The following UPF3A variants were observed in gnomAD, a reference collection of about 807,000 sequenced individuals.
UPF3A encodes regulator of nonsense transcripts 3A.
In UPF3A, 42 loss-of-function variants were observed where a neutral mutation model predicts 53.5. That is an observed-to-expected ratio of 0.78 (90% confidence interval 0.61 to 1.01). The LOEUF (loss-of-function observed/expected upper bound fraction) is 1.01, where lower values mean the gene tolerates loss of function less well. UPF3A is among the 50% of genes least tolerant of loss of function. The pLI, the probability that UPF3A is intolerant of heterozygous loss-of-function variation, is 0.00. For missense variants in UPF3A, 575 were observed against 598.0 expected (o/e 0.96, Z 0.40); for synonymous variants, 237 against 225.3 (o/e 1.05, Z -0.47).
chr13:114,305,664 A>G lies in UPF3A; in HGVS notation c.*747A>G, dbSNP rs2086951386. On this transcript the variant is annotated 3_prime_UTR_variant, in exon 10 of 10. Transcript: ENST00000375299. ...CATACAGAGCCTGTTTTTGAGTTTT[A>G]GATACTTTATTTGTAAATAACTTAA... 6.6e-6 allele frequency: 1 copy of G among 152,308 alleles called. No individual in the cohort carries two copies. The highest frequency in any genetic ancestry group is 2.1e-4 in the South Asian group (1 of 4,830). The allele number at this position is 152,308 out of a possible 1,614,324, so 9.4% of individuals were successfully genotyped here. A position where few individuals can be genotyped will look rare whatever the true frequency, so the allele number is the denominator to read the frequency against.
chr13:114,296,309 GGAGGCGAAGGTAC>G (rs2086009997), intron 7 of UPF3A, among the ~76,000 whole-genome samples: 1 of 152,166 alleles, frequency 6.6e-6, no homozygotes, highest in African/African-American at 2.4e-5. Flanking sequence ...CTTGAACCCA[GGAGGCGAAGGTAC>G]AGTGAGCCGA....
intron 8 of UPF3A, among the ~76,000 whole-genome samples, chr13:114,300,051 G>A (rs926022423): frequency 2.0e-5 from 3 of 152,152 alleles, no homozygotes; most frequent in Non-Finnish European, 4.4e-5. Flanking sequence ...GATGTTACCG[G>A]TGTTGTTACT....
At chr13:114,282,255 A>T in intron 2 of UPF3A, 128 bp downstream of exon 2, 1 of 879,828 alleles carries the variant, frequency 1.1e-6, no homozygotes, top group Non-Finnish European at 1.7e-6. Flanking sequence ...TTTTGAATAA[A>T]TACATTTCAG....
At chr13:114,286,767 G>T in intron 5 of UPF3A, 138 bp downstream of exon 5, 1 of 704,230 alleles carries the variant, frequency 1.4e-6, no homozygotes, top group Non-Finnish European at 2.3e-6. Context: ...GTGATTTCCA[G>T]TTTTGACAAA....
intron 7 of UPF3A, among the ~76,000 whole-genome samples, chr13:114,294,700 CT>C (rs1204247083): frequency 2.6e-5 from 4 of 151,640 alleles, no homozygotes; most frequent in Non-Finnish European, 5.9e-5. Context: ...TGGCACACGC[CT>C]GTAGTCCCAG....
rs779054985 is a variant in UPF3A at position 114,282,921 on chromosome 13, A to G, written c.399A>G (p.Gly133=). 11 of 1,609,816 alleles carry G rather than the reference A, an allele frequency of 6.8e-6. No homozygotes were observed. The highest frequency in any genetic ancestry group is 9.3e-6 in the Non-Finnish European group (11 of 1,176,984). Residue 133 remains glycine, a synonymous_variant, in exon 3 of 10, where the codon GGA becomes GGG. Transcript: ENST00000375299. ...DILLFRDRFD[G]YIFLDSKGLE... ...TTCTTTTTAGAGATCGTTTTGATGG[A>G]TATATCTTCCTTGACAGCAAAGGTT...
chr13:114,302,628 C>A (rs1180889883), intron 9 of UPF3A, among the ~76,000 whole-genome samples: 1 of 152,238 alleles, frequency 6.6e-6, no homozygotes, highest in African/African-American at 2.4e-5. Context: ...ACCTCCCTCC[C>A]CATGTCTAAC....
At chr13:114,282,291 A>G in intron 2 of UPF3A, 164 bp downstream of exon 2, 1 of 841,150 alleles carries the variant, frequency 1.2e-6, no homozygotes, top group Non-Finnish European at 1.8e-6. Flanking sequence ...CCGTCAAAGA[A>G]AAATACCACC....
chr13:114,292,845 C>T (rs951725178), intron 7 of UPF3A, among the ~76,000 whole-genome samples: 4 of 151,984 alleles, frequency 2.6e-5, no homozygotes, highest in Admixed American at 6.6e-5. Context: ...GAGGCTGAGG[C>T]GGGCAGATCA....
chr13:114,299,100 C>A, intron 8 of UPF3A, 100 bp downstream of exon 8: 2 of 1,264,588 alleles, frequency 1.6e-6, no homozygotes, highest in Non-Finnish European at 2.1e-6. Context: ...TCTTGGAATC[C>A]AAGACTTTCC....
chr13:114,285,642 CTT>C (rs1374143874), intron 3 of UPF3A: 1 of 152,222 alleles, frequency 6.6e-6, no homozygotes. Flanking sequence ...GAACATTTCT[CTT>C]TGTGTATTTG....
chr13:114,296,114 G>A (rs908719707), intron 7 of UPF3A, among the ~76,000 whole-genome samples: 1 of 152,252 alleles, frequency 6.6e-6, no homozygotes, highest in African/African-American at 2.4e-5. Context: ...GCCAGGCACA[G>A]TGGCTCACGC....
chr13:114,286,553 T>C lies in UPF3A; in HGVS notation c.555T>C (p.Cys185=). The C allele has an allele frequency of 6.2e-7, 1 of 1,613,874 alleles. No individual in the cohort carries two copies. Reference sequence around the variant, plus strand: ...ATAAGAAGTTTTTAGAAACCTACTGTGTGGAGGAAGAGAAGACCAGTGCCA... The same window carrying C: ...ATAAGAAGTTTTTAGAAACCTACTGCGTGGAGGAAGAGAAGACCAGTGCCA... ...PEYKKFLETY[C]VEEEKTSANP... Residue 185 remains cysteine, a synonymous_variant, in exon 5 of 10, where the codon TGT becomes TGC. Coordinates refer to ENST00000375299, the MANE Select transcript of UPF3A (RefSeq NM_023011.4).
intron 3 of UPF3A, among the ~76,000 whole-genome samples, chr13:114,284,658 T>C (rs1397624419): frequency 6.6e-6 from 1 of 151,926 alleles, no homozygotes; most frequent in Non-Finnish European, 1.5e-5. Flanking sequence ...AAGATCGTGT[T>C]ACTACACTGT....
At chr13:114,295,361 GCGGCTCTGGCGTGCTCCC>G (rs1437248677) in intron 7 of UPF3A, among the ~76,000 whole-genome samples, 37 of 130,432 alleles carry the variant, frequency 2.8e-4, no homozygotes, top group South Asian at 9.9e-4. Flanking sequence ...CTCGTCTCCA[GCGGCTCTGGCGTGCTCCC>G]CAGCTCGTCT....
chr13:114,299,432 C>G (rs986480046), intron 8 of UPF3A, among the ~76,000 whole-genome samples: 3 of 152,130 alleles, frequency 2.0e-5, no homozygotes, highest in African/African-American at 7.2e-5. Context: ...TTGGGAACCC[C>G]CTCTTTTAGG....
chr13:114,298,085 G>A (rs2086226200), intron 7 of UPF3A, among the ~76,000 whole-genome samples: 1 of 151,636 alleles, frequency 6.6e-6, no homozygotes, highest in Admixed American at 6.6e-5. Flanking sequence ...ATAAATAGAA[G>A]TGGGGGCTGG....
chr13:114,295,033 A>G (rs1249841754), intron 7 of UPF3A, among the ~76,000 whole-genome samples: 1 of 147,936 alleles, frequency 6.8e-6, no homozygotes, highest in Non-Finnish European at 1.5e-5. Flanking sequence ...AATGGCATGA[A>G]CCCGGGAGGC....
rs2084693611 is a variant in UPF3A at position 114,286,407 on chromosome 13, C to T, written c.520+7C>T. On this transcript the variant is annotated splice_region_variant and intron_variant, in intron 4 of 9. Coordinates refer to ENST00000375299, the MANE Select transcript of UPF3A (RefSeq NM_023011.4). ...ACTGGAAGCATCGAAGATGGTGAGC[C>T]CTTTCCAAGTGCTACGTTATGAAGC... The T allele has an allele frequency of 1.2e-6, 2 of 1,613,056 alleles. No individual in the cohort carries two copies. The highest frequency in any genetic ancestry group is 2.7e-5 in the African/African-American group (2 of 74,918).
Sources: gnomAD v4.1 joint callset for allele counts (sites outside exome capture counted in the v4.1 genomes callset) on GRCh38, gnomAD v4.1.1 for gene constraint, MANE v1.5 for transcripts, NCBI Gene and HGNC (gene_info 2026-07-23, HGNC 2026-07-21) for gene names.